Variants in CARMIL1 observed in about 807,000 individuals in gnomAD.
CARMIL1 encodes F-actin-uncapping protein LRRC16A.
In CARMIL1, 90 loss-of-function variants were observed where a neutral mutation model predicts 177.1. That is an observed-to-expected ratio of 0.51 (90% CI 0.43 to 0.61). The LOEUF is 0.61. Ranked by LOEUF, CARMIL1 falls within the 20% of genes least tolerant of loss-of-function variation. The pLI, the probability that CARMIL1 is intolerant of heterozygous loss-of-function variation, is 0.00. For synonymous variants in CARMIL1, 577 were observed against 606.2 expected (o/e 0.95, Z 0.71); for missense variants, 1,380 against 1,667.0 (o/e 0.83, Z 3.00).
chr6:25,293,265 G>GGGGTGTGTGTGTGT (rs758708389), intron 2 of CARMIL1, among the ~76,000 whole-genome samples: 2 of 134,388 alleles, frequency 1.5e-5, no homozygotes, highest in South Asian at 5.2e-4. Context: ...AAGGATGCTT[G>GGGGTGTGTGTGTGT]GTGTGTGTGT....
At chr6:25,614,891 A>T (rs906648733) in intron 36 of CARMIL1, among the ~76,000 whole-genome samples, 1 of 152,142 alleles carries the variant, frequency 6.6e-6, no homozygotes. Context: ...TTTGTTCATG[A>T]CCTCTTTAGC....
chr6:25,492,052 C>T, intron 15 of CARMIL1, 28 bp downstream of exon 15: 2 of 1,587,508 alleles, frequency 1.3e-6, no homozygotes, highest in South Asian at 2.2e-5. Context: ...CTCTCATTGT[C>T]ATCTGGAAGT....
intron 33 of CARMIL1, among the ~76,000 whole-genome samples, chr6:25,602,941 A>G (rs1374662499): frequency 6.6e-6 from 1 of 152,238 alleles, no homozygotes; most frequent in Non-Finnish European, 1.5e-5. Flanking sequence ...CTTAGAGTTC[A>G]TATATTTTCC....
intron 2 of CARMIL1, among the ~76,000 whole-genome samples, chr6:25,402,432 C>T (rs1230780047): frequency 6.6e-6 from 1 of 152,104 alleles, no homozygotes; most frequent in African/African-American, 2.4e-5. Context: ...TGTTTCTTTT[C>T]AAAGAATATA....
intron 8 of CARMIL1, among the ~76,000 whole-genome samples, chr6:25,464,775 A>C (rs1308444772): frequency 6.6e-6 from 1 of 152,228 alleles, no homozygotes; most frequent in Non-Finnish European, 1.5e-5. Context: ...GAGAGGACTT[A>C]AGGAGGTGAG....
intron 32 of CARMIL1, 109 bp from the exon 33 acceptor site, chr6:25,600,205 T>C (rs1360543119): frequency 3.9e-6 from 4 of 1,027,274 alleles, no homozygotes; most frequent in Non-Finnish European, 5.7e-6. Context: ...AAAATGCTTC[T>C]GAATGGTTAC....
intron 12 of CARMIL1, 67 bp from the exon 13 acceptor site, chr6:25,488,415 A>G: frequency 8.7e-7 from 1 of 1,143,950 alleles, no homozygotes; most frequent in Non-Finnish European, 1.3e-6. Context: ...TGGGCCATTT[A>G]TAGAAACACA....
chr6:25,298,088 A>G (rs547226756), intron 2 of CARMIL1, among the ~76,000 whole-genome samples: 1 of 152,352 alleles, frequency 6.6e-6, no homozygotes, highest in South Asian at 2.1e-4. Flanking sequence ...ACAAAAAACT[A>G]CATTGTAGCT....
intron 8 of CARMIL1, among the ~76,000 whole-genome samples, chr6:25,459,000 A>G (rs1240719433): frequency 1.3e-5 from 2 of 152,140 alleles, no homozygotes; most frequent in Non-Finnish European, 2.9e-5. Flanking sequence ...GAAAAGAAAA[A>G]TAAAGTTAGA....
At chr6:25,547,873 T>C (rs532957581) in intron 26 of CARMIL1, among the ~76,000 whole-genome samples, 2 of 152,128 alleles carry the variant, frequency 1.3e-5, no homozygotes, top group African/African-American at 4.8e-5. Context: ...CAGGAAAGAG[T>C]GCATGTCATC....
rs116257134 is a variant in CARMIL1 at position 25,371,218 on chromosome 6, G to A, written c.139-48896G>A. 7.6e-3 allele frequency among the ~76,000 whole-genome samples: 1,157 copies of A among 152,250 alleles called. 12 individuals carry two copies. The highest frequency in any genetic ancestry group is 0.026 in the African/African-American group (1,078 of 41,574). On this transcript the variant is annotated intron_variant, in intron 2 of 36. Coordinates refer to ENST00000329474, the MANE Select transcript of CARMIL1 (RefSeq NM_017640.6). ...TTGCAATTGTGAATGGTGCTGTGATGTGTGCACGTGTCTTTTTGATAGAAT... is the reference window on the plus strand; with the variant it reads ...TTGCAATTGTGAATGGTGCTGTGATATGTGCACGTGTCTTTTTGATAGAAT...
chr6:25,609,009 G>C (rs1001633091), intron 35 of CARMIL1, among the ~76,000 whole-genome samples: 2 of 151,892 alleles, frequency 1.3e-5, no homozygotes, highest in Non-Finnish European at 2.9e-5. Flanking sequence ...TTTTTTTAAA[G>C]CAAAACAATC....
intron 1 of CARMIL1, 38 bp downstream of exon 1, chr6:25,279,873 T>TG (rs752082729): frequency 6.2e-7 from 1 of 1,609,082 alleles, no homozygotes; most frequent in Non-Finnish European, 8.5e-7. Context: ...CACCTTCCTC[T>TG]GCGTACTCCT....
chr6:25,375,358 G>C (rs187723858), intron 2 of CARMIL1, among the ~76,000 whole-genome samples: 6 of 152,312 alleles, frequency 3.9e-5, no homozygotes, highest in Non-Finnish European at 7.3e-5. Flanking sequence ...GAAGTCTGCT[G>C]TTAGTCTGGT....
At chr6:25,487,744 A>G (rs747301980) in intron 12 of CARMIL1, among the ~76,000 whole-genome samples, 47 of 152,198 alleles carry the variant, frequency 3.1e-4, no homozygotes, top group Non-Finnish European at 5.9e-4. Context: ...CATGACTAGC[A>G]GGCCTGTCAA....
At chr6:25,344,048 G>C (rs1787236754) in intron 2 of CARMIL1, among the ~76,000 whole-genome samples, 2 of 151,948 alleles carry the variant, frequency 1.3e-5, no homozygotes, top group Admixed American at 6.6e-5. Context: ...CTGGTTCACT[G>C]TCCCTGTCTC....
At chr6:25,339,579 C>T (rs1786682763) in intron 2 of CARMIL1, among the ~76,000 whole-genome samples, 1 of 152,180 alleles carries the variant, frequency 6.6e-6, no homozygotes, top group East Asian at 1.9e-4. Flanking sequence ...AAAAGTATCT[C>T]CCAGCAGTGT....
At position 25,604,748 on chromosome 6, in the gene CARMIL1, G is replaced by A. The variant is rs939568664; in HGVS notation, c.3553-64G>A. On this transcript the variant is annotated intron_variant, in intron 33 of 36. Coordinates refer to ENST00000329474, the MANE Select transcript of CARMIL1 (RefSeq NM_017640.6). ...TTTGCTGTCATTTATTATCTGCATTGTTTTTTCACTTTTGCATTAAATAAA... is the reference window on the plus strand; with the variant it reads ...TTTGCTGTCATTTATTATCTGCATTATTTTTTCACTTTTGCATTAAATAAA... The A allele has an allele frequency of 5.4e-6, 7 of 1,285,124 alleles. No individual in the cohort carries two copies. The African/African-American group carries it at 1.0e-4, about 19-fold the overall frequency. 79.6% of individuals were successfully genotyped at this position (1,285,124 alleles called of 1,614,324 possible). A position where few individuals can be genotyped will look rare whatever the true frequency, so the allele number is the denominator to read the frequency against.
chr6:25,531,756 A>C (rs1283161198), intron 24 of CARMIL1, among the ~76,000 whole-genome samples: 1 of 152,164 alleles, frequency 6.6e-6, no homozygotes, highest in Non-Finnish European at 1.5e-5. Flanking sequence ...TTACACTGAA[A>C]CTTTGTCTTG....
Sources: allele counts gnomAD v4.1 joint callset (sites outside exome capture counted in the v4.1 genomes callset), GRCh38; gene constraint gnomAD v4.1.1; transcripts MANE v1.5; gene names NCBI Gene and HGNC (gene_info 2026-07-23, HGNC 2026-07-21).